The following NECAB1 variants were observed in gnomAD, a reference collection of about 807,000 sequenced individuals.
NECAB1 encodes the protein N-terminal EF-hand calcium binding protein 1, also known as N-terminal EF-hand calcium-binding protein 1.
NECAB1 carries 29 observed loss-of-function variants against 57.5 expected under a neutral mutation model. The observed-to-expected ratio is 0.50, with a 90% CI of 0.38 to 0.69. The LOEUF (loss-of-function observed/expected upper bound fraction) is 0.69. Ranked by LOEUF, NECAB1 falls within the 30% of genes least tolerant of loss-of-function variation. NECAB1 has a pLI of 0.00. For missense variants in NECAB1, 372 were observed against 413.8 expected (o/e 0.90, Z 0.88); for synonymous variants, 142 against 147.7 (o/e 0.96, Z 0.28).
intron 3 of NECAB1, among the ~76,000 whole-genome samples, chr8:90,856,962 A>C (rs1244794332): frequency 4.2e-4 from 64 of 152,372 alleles, no homozygotes; most frequent in Non-Finnish European, 5.9e-5. Context: ...TCTTAAAAGT[A>C]GGACTTGCCA....
chr8:90,868,342 T>C (rs895257637), intron 3 of NECAB1, among the ~76,000 whole-genome samples: 1 of 152,194 alleles, frequency 6.6e-6, no homozygotes, highest in Non-Finnish European at 1.5e-5. Flanking sequence ...GAAGCAACTT[T>C]GGAGCTGAGT....
chr8:90,855,580 TA>T, intron 3 of NECAB1, among the ~76,000 whole-genome samples: 1 of 152,342 alleles, frequency 6.6e-6, no homozygotes, highest in East Asian at 1.9e-4. Context: ...CTTCCATCTA[TA>T]ATCAGGAAGG....
At chr8:90,846,882 A>G (rs2129761295) in intron 3 of NECAB1, among the ~76,000 whole-genome samples, 1 of 152,308 alleles carries the variant, frequency 6.6e-6, no homozygotes, top group African/African-American at 2.4e-5. Flanking sequence ...GATCCCTCCC[A>G]TGACATATGG....
rs5893135 is a variant in NECAB1, at chr8:90,822,866, A to AT, written c.125-1840dup. 2.1e-3 allele frequency among the ~76,000 whole-genome samples: 309 copies of AT among 147,670 alleles called. 3 individuals are homozygous for AT. The highest frequency in any genetic ancestry group is 5.7e-3 in the African/African-American group (234 of 40,740). On this transcript the variant is annotated intron_variant, in intron 2 of 12. Transcript: ENST00000417640. ...GATTTCTGTTTTTTCTTTTTTCTTT[A>AT]TTTTTTTTTTTAAACAGTACATGAA...
chr8:90,848,169 A>G (rs1021289947), intron 3 of NECAB1, among the ~76,000 whole-genome samples: 4 of 152,166 alleles, frequency 2.6e-5, no homozygotes, highest in African/African-American at 2.4e-5. Flanking sequence ...AAAATTCCAC[A>G]TATCTCTAGG....
chr8:90,917,533 A>AT lies in NECAB1; in HGVS notation c.404dup (p.Leu135PhefsTer24), dbSNP rs767251907. 2 of 1,612,130 alleles carry AT rather than the reference A, an allele frequency of 1.2e-6. No homozygotes were observed. The highest frequency in any genetic ancestry group is 1.7e-6 in the Non-Finnish European group (2 of 1,178,838). On this transcript the variant is annotated frameshift_variant, in exon 6 of 13. Transcript: ENST00000417640. LOFTEE classifies it high-confidence loss of function. ...CCAATTTGGAACAATTCGTAACTAG[A>AT]TTTTTATTGAAGGAAACCCTGAATC...
intron 2 of NECAB1, among the ~76,000 whole-genome samples, chr8:90,802,410 C>T (rs1270448329): frequency 1.3e-5 from 2 of 152,190 alleles, no homozygotes; most frequent in Admixed American, 1.3e-4. Context: ...CCACTAGAAA[C>T]TTTGTCCCAG....
intron 3 of NECAB1, among the ~76,000 whole-genome samples, chr8:90,843,797 A>G (rs900595074): frequency 6.6e-6 from 1 of 152,182 alleles, no homozygotes; most frequent in Non-Finnish European, 1.5e-5. Flanking sequence ...ATCACTGACA[A>G]TGTACATCAA....
chr8:90,940,553 G>A (rs779825994), intron 9 of NECAB1: 7 of 443,746 alleles, frequency 1.6e-5, no homozygotes, highest in East Asian at 3.5e-5. Context: ...AGGGAAACAC[G>A]TCATTGTAAA....
intron 5 of NECAB1, among the ~76,000 whole-genome samples, chr8:90,914,013 G>A (rs1425184084): frequency 2.6e-5 from 4 of 152,226 alleles, no homozygotes; most frequent in Admixed American, 6.5e-5. Flanking sequence ...GGGGAGGCAG[G>A]TGGTGACCAG....
chr8:90,880,562 A>C (rs1808818509), intron 4 of NECAB1, among the ~76,000 whole-genome samples: 1 of 151,482 alleles, frequency 6.6e-6, no homozygotes, highest in Admixed American at 6.6e-5. Context: ...TGACAGGGAC[A>C]GTTACATAGA....
intron 5 of NECAB1, among the ~76,000 whole-genome samples, chr8:90,891,723 C>G (rs993717952): frequency 1.3e-5 from 2 of 150,604 alleles, no homozygotes; most frequent in Non-Finnish European, 2.9e-5. Flanking sequence ...GATAGGCTTT[C>G]ACTCCTGTTG....
At chr8:90,902,705 C>T (rs1809538954) in intron 5 of NECAB1, among the ~76,000 whole-genome samples, 1 of 151,888 alleles carries the variant, frequency 6.6e-6, no homozygotes, top group South Asian at 2.1e-4. Flanking sequence ...TGTTCAAAAA[C>T]ACAGGAAAAT....
chr8:90,951,533 T>C (rs1810924611), intron 12 of NECAB1, among the ~76,000 whole-genome samples: 1 of 152,176 alleles, frequency 6.6e-6, no homozygotes, highest in South Asian at 2.1e-4. Context: ...GTGTACTGGA[T>C]ACAATTTGTT....
At chr8:90,848,873 C>T (rs1349862225) in intron 3 of NECAB1, among the ~76,000 whole-genome samples, 5 of 152,020 alleles carry the variant, frequency 3.3e-5, no homozygotes, top group Non-Finnish European at 7.4e-5. Context: ...ATTGCTTGAA[C>T]CCAGGAGGTG....
chr8:90,795,708 T>TCTCTCTCA (rs551150301), intron 1 of NECAB1, among the ~76,000 whole-genome samples: 10 of 147,878 alleles, frequency 6.8e-5, no homozygotes, highest in African/African-American at 2.2e-4. Context: ...CTCATCTCTC[T>TCTCTCTCA]CACACACACA....
chr8:90,891,603 T>C (rs1279065638), intron 5 of NECAB1, among the ~76,000 whole-genome samples: 2 of 152,196 alleles, frequency 1.3e-5, no homozygotes, highest in African/African-American at 4.8e-5. Context: ...GATCTGATTT[T>C]TTTTTTGGTT....
At chr8:90,856,591 T>A (rs1365300222) in intron 3 of NECAB1, among the ~76,000 whole-genome samples, 1 of 152,250 alleles carries the variant, frequency 6.6e-6, no homozygotes, top group East Asian at 1.9e-4. Context: ...AGAAATTGAA[T>A]AATCTAAACA....
At chr8:90,892,395 TA>T (rs1477077341) in intron 5 of NECAB1, among the ~76,000 whole-genome samples, 10 of 152,200 alleles carry the variant, frequency 6.6e-5, no homozygotes, top group Admixed American at 1.3e-4. Flanking sequence ...TCCATTTTCA[TA>T]AAAAACATTG....
Sources: gnomAD v4.1 joint callset for allele counts (sites outside exome capture counted in the v4.1 genomes callset) on GRCh38, gnomAD v4.1.1 for gene constraint, MANE v1.5 for transcripts, NCBI Gene and HGNC (gene_info 2026-07-23, HGNC 2026-07-21) for gene names.